Variants in GDE1 observed in about 807,000 individuals in gnomAD.
GDE1 encodes the protein RGS16-interacting membrane protein.
GDE1 carries 24 observed loss-of-function variants against 32.2 expected under a neutral mutation model. That is an observed-to-expected ratio of 0.75 (90% CI 0.54 to 1.05). The LOEUF (loss-of-function observed/expected upper bound fraction) is 1.05. Ranked by LOEUF, GDE1 falls within the 50% of genes least tolerant of loss-of-function variation. The pLI, the probability that GDE1 is intolerant of heterozygous loss-of-function variation, is 0.00. For synonymous variants in GDE1, 159 were observed against 158.6 expected, an observed-to-expected ratio of 1.00 and a Z score of -0.02; for missense variants, 380 against 415.0, an observed-to-expected ratio of 0.92 and a Z score of 0.73.
rs1419072556 is a variant in GDE1, at chr16:19,505,090, C to T, written c.639G>A (p.Met213Ile). ...CSFLPEVIYK[M>I]RQTDRDVITA... ...TTATTACATCCCGATCTGTTTGTCT[C>T]ATCTGCAAAGGAATTTGGGGAAGTA... Residue 213 changes from methionine (M) to isoleucine (I), a missense_variant and splice_region_variant, in exon 5 of 6, where the codon ATG (methionine) becomes ATA (isoleucine). Met to Ile is a conservative substitution (Grantham distance 10). Transcript: ENST00000353258. 3 of 1,599,782 alleles carry T rather than the reference C, an allele frequency of 1.9e-6. No individual in the cohort carries two copies. Among genetic ancestry groups the T allele is most frequent in the African/African-American group, 1.3e-5 (1 of 74,694 alleles).
intron 4 of GDE1, among the ~76,000 whole-genome samples, chr16:19,506,415 C>T (rs532878727): frequency 6.6e-6 from 1 of 152,122 alleles, no homozygotes; most frequent in Non-Finnish European, 1.5e-5. Context: ...TTTGGGAGGC[C>T]GAGGCAGGCA....
chr16:19,517,044 T>A lies in GDE1; in HGVS notation c.407A>T (p.Lys136Met), dbSNP rs754864187. The change falls in exon 2 of 6, where the codon AAG becomes ATG. Residue 136 changes from lysine (K) to methionine (M), a missense_variant. Lys to Met is a moderately conservative substitution (Grantham distance 95). Transcript: ENST00000353258. ...TCTGTGGTTTGCTGCAGGATTCAGC[T>A]TCCTAATTTGTTCAAATGTCAAATC... ...LCDLTFEQIR[K>M]LNPAANHRLR... The A allele has an allele frequency of 7.4e-6, 12 of 1,614,180 alleles. No homozygotes were observed. The highest frequency in any genetic ancestry group is 1.0e-5 in the Non-Finnish European group (12 of 1,180,022).
At chr16:19,504,673 C>A in intron 5 of GDE1, 4 of 503,676 alleles carry the variant, frequency 7.9e-6, no homozygotes, top group Non-Finnish European at 1.4e-5. Flanking sequence ...CACTAAAAAA[C>A]CGAAAATATG....
At position 19,502,204 on chromosome 16, in the gene GDE1, C is replaced by G. The variant is rs1450102486; in HGVS notation, c.*1266G>C. ...ATTTGAATGCCAGTTGTACCAGACT[C>G]AAGACACCTTGGGTAAGTGGTTTTA... On this transcript the variant is annotated 3_prime_UTR_variant, in exon 6 of 6. Coordinates refer to ENST00000353258, the MANE Select transcript of GDE1 (RefSeq NM_016641.4). The G allele has an allele frequency of 6.6e-6, 1 of 152,008 alleles. No homozygotes were observed. The highest frequency in any genetic ancestry group is 1.5e-5 in the Non-Finnish European group (1 of 68,024). 9.4% of individuals were successfully genotyped at this position (152,008 alleles called of 1,614,324 possible).
intron 1 of GDE1, among the ~76,000 whole-genome samples, chr16:19,519,948 G>C (rs1438348884): frequency 6.6e-6 from 1 of 152,196 alleles, no homozygotes; most frequent in Non-Finnish European, 1.5e-5. Flanking sequence ...GGAGGTGGAA[G>C]TTGCAGTGAG....
In GDE1 at chr16:19,503,312, G is replaced by T; in HGVS notation, c.*158C>A. Reference sequence around the variant, plus strand: ...TGCCATGGTGCATGGTGGCAACACCGGGTTTAGCTTTGGTTCAGGTAAAAA... The same window carrying T: ...TGCCATGGTGCATGGTGGCAACACCTGGTTTAGCTTTGGTTCAGGTAAAAA... On this transcript the variant is annotated 3_prime_UTR_variant, in exon 6 of 6. Transcript: ENST00000353258. 1 of 646,006 alleles carries T rather than the reference G, an allele frequency of 1.5e-6. No individual in the cohort carries two copies. Among genetic ancestry groups the T allele is most frequent in the East Asian group, 2.7e-5 (1 of 37,346 alleles). 40.0% of individuals were successfully genotyped at this position (646,006 alleles called of 1,614,324 possible).
rs1597238783 is a variant in GDE1 at position 19,520,204 on chromosome 16, A to C, written c.261+1500T>G. On this transcript the variant is annotated intron_variant, in intron 1 of 5. Transcript: ENST00000353258. Reference sequence around the variant, plus strand: ...GTGGCAAAGGAATGAAATTACACCCACAGTACATTCTCCACATGGGCCAGA... The same window carrying C: ...GTGGCAAAGGAATGAAATTACACCCCCAGTACATTCTCCACATGGGCCAGA... Among the ~76,000 whole-genome samples the C allele has an allele frequency of 2.0e-5, 3 of 152,116 alleles. No homozygotes were observed. In the East Asian group the frequency reaches 5.8e-4, roughly 29 times the overall value.
chr16:19,516,281 T>G (rs906744766), intron 2 of GDE1, among the ~76,000 whole-genome samples: 3 of 152,194 alleles, frequency 2.0e-5, no homozygotes, highest in Non-Finnish European at 2.9e-5. Flanking sequence ...AAACTTGGGA[T>G]AGATTCTAGT....
Position 19,521,750 on chromosome 16 carries a change from C to T in GDE1, c.215G>A (p.Gly72Asp). The change falls in exon 1 of 6, where the codon GGC (glycine) becomes GAC (aspartate). Residue 72 changes from glycine to aspartate, a missense_variant. Coordinates refer to ENST00000353258, the MANE Select transcript of GDE1 (RefSeq NM_016641.4). ...GTTCTCGGGCGCGTCGTGGCTGCCG[C>T]CACGGTGGGCGATGGCAGAAATGCG... The part of the protein sequence containing the change: ...RDRISAIAHR[G>D]GSHDAPENTL... The T allele has an allele frequency of 1.2e-6, 2 of 1,611,930 alleles. No homozygotes were observed. Among genetic ancestry groups the T allele is most frequent in the Non-Finnish European group, 1.7e-6 (2 of 1,179,610 alleles).
At chr16:19,506,263 A>T (rs1969244591) in intron 4 of GDE1, among the ~76,000 whole-genome samples, 1 of 151,788 alleles carries the variant, frequency 6.6e-6, no homozygotes, top group South Asian at 2.1e-4. Context: ...CAAAACAATA[A>T]TCCGGTTTCT....
rs1013430522 is a variant in GDE1, at chr16:19,514,565, A to G, written c.437+2449T>C. Among the ~76,000 whole-genome samples, 13 of 152,230 alleles carry G rather than the reference A, an allele frequency of 8.5e-5. 1 individual carries two copies. The highest frequency in any genetic ancestry group is 3.9e-4 in the Admixed American group (6 of 15,282). On this transcript the variant is annotated intron_variant, in intron 2 of 5. Transcript: ENST00000353258. Reference sequence around the variant, plus strand: ...CTATGCAGGAGGAATTCTTAGGAATACATAAATCTGTTAACTGTATTGTGT... The same window carrying G: ...CTATGCAGGAGGAATTCTTAGGAATGCATAAATCTGTTAACTGTATTGTGT...
chr16:19,520,741 G>A (rs7201235), intron 1 of GDE1, among the ~76,000 whole-genome samples: 4,040 of 68,920 alleles, frequency 0.059, 164 homozygotes, highest in African/African-American at 0.22. Context: ...AAAAAAAAAA[G>A]AAGAAGAAGG....
intron 5 of GDE1, chr16:19,504,243 C>T (rs899839109): frequency 6.5e-6 from 1 of 152,908 alleles, no homozygotes; most frequent in Non-Finnish European, 1.5e-5. Flanking sequence ...CTCACTCTCC[C>T]ACTTGGCTAT....
chr16:19,502,065 T>TA lies in GDE1; in HGVS notation c.*1404dup, dbSNP rs1969181542. The TA allele has an allele frequency of 6.6e-6, 1 of 152,184 alleles. No homozygotes were observed. The highest frequency in any genetic ancestry group is 1.5e-5 in the Non-Finnish European group (1 of 68,046). 9.4% of individuals were successfully genotyped at this position (152,184 alleles called of 1,614,324 possible). ...TTAATGTTGCTATGTAAGTTCACAATAAAATCCCTGGAAGTTCAAATTGGA... is the reference window on the plus strand; with the variant it reads ...TTAATGTTGCTATGTAAGTTCACAATAAAAATCCCTGGAAGTTCAAATTGGA... On this transcript the variant is annotated 3_prime_UTR_variant, in exon 6 of 6. Transcript: ENST00000353258.
chr16:19,507,877 A>C, intron 3 of GDE1, 98 bp from the exon 4 acceptor site: 1 of 614,388 alleles, frequency 1.6e-6, no homozygotes, highest in Non-Finnish European at 2.9e-6. Context: ...CCTATGGAAT[A>C]AAACAGAAGT....
At chr16:19,512,710 A>G (rs941132184) in intron 2 of GDE1, among the ~76,000 whole-genome samples, 17 of 152,068 alleles carry the variant, frequency 1.1e-4, no homozygotes, top group African/African-American at 4.1e-4. Flanking sequence ...TAAACTTTTA[A>G]TCCATTTTGT....
At chr16:19,517,808 G>A (rs1440007649) in intron 1 of GDE1, among the ~76,000 whole-genome samples, 1 of 152,018 alleles carries the variant, frequency 6.6e-6, no homozygotes, top group Non-Finnish European at 1.5e-5. Flanking sequence ...CTCCTCTGGA[G>A]ACACACTATT....
chr16:19,521,035 C>T (rs892710453), intron 1 of GDE1, among the ~76,000 whole-genome samples: 1 of 152,206 alleles, frequency 6.6e-6, no homozygotes, highest in African/African-American at 2.4e-5. Context: ...GACAAGCAAA[C>T]GTATGTCTTG....
At chr16:19,506,168 C>T (rs909935937) in intron 4 of GDE1, among the ~76,000 whole-genome samples, 5 of 146,016 alleles carry the variant, frequency 3.4e-5, no homozygotes, top group Non-Finnish European at 6.3e-5. Flanking sequence ...CCAGCTCTCG[C>T]TACCAGTTTA....
Sources: allele counts gnomAD v4.1 joint callset (sites outside exome capture counted in the v4.1 genomes callset), GRCh38; gene constraint gnomAD v4.1.1; transcripts MANE v1.5; gene names NCBI Gene and HGNC (gene_info 2026-07-23, HGNC 2026-07-21).